NIBAN1: variants seen among roughly 807,000 people sequenced by gnomAD.
The protein encoded by NIBAN1 is protein Niban 1.
NIBAN1 carries 81 observed loss-of-function variants against 75.1 expected under a neutral mutation model. The observed-to-expected ratio is 1.08, with a 90% CI of 0.90 to 1.30. The LOEUF (loss-of-function observed/expected upper bound fraction) is 1.30. Ranked by LOEUF, NIBAN1 falls within the 50% of genes most tolerant of loss-of-function variation. NIBAN1 has a pLI of 0.00. For synonymous variants in NIBAN1, 436 were observed against 424.8 expected, an observed-to-expected ratio of 1.03 and a Z score of -0.32; for missense variants, 1,133 against 1,128.1, an observed-to-expected ratio of 1.00 and a Z score of -0.06.
rs894848584 is a variant in NIBAN1 at position 184,794,616 on chromosome 1, C to T, written c.*361G>A. 5.6e-6 allele frequency: 2 copies of T among 357,572 alleles called. No individual in the cohort carries two copies. The highest frequency in any genetic ancestry group is 4.2e-5 in the African/African-American group (2 of 47,422). The allele number at this position is 357,572 out of a possible 1,614,324, so 22.1% of individuals were successfully genotyped here. ...CAAAATTAAAAAGCCTTAAAGTGCA[C>T]AAGAAGATTGCACAATTGAAAAGTG... On this transcript the variant is annotated 3_prime_UTR_variant, in exon 14 of 14. Transcript: ENST00000367511.
chr1:184,942,356 G>A (rs1051105134), intron 1 of NIBAN1, among the ~76,000 whole-genome samples: 1 of 152,226 alleles, frequency 6.6e-6, no homozygotes, highest in Non-Finnish European at 1.5e-5. Context: ...TACAAAAACA[G>A]CTTTGGACCA....
At chr1:184,899,129 A>G (rs1450603095) in intron 2 of NIBAN1, 50 bp downstream of exon 2, 3 of 1,604,952 alleles carry the variant, frequency 1.9e-6, no homozygotes, top group East Asian at 4.5e-5. Flanking sequence ...GCTGTGCTAT[A>G]TAGCCTTCTT....
intron 1 of NIBAN1, among the ~76,000 whole-genome samples, chr1:184,949,310 A>G (rs920925789): frequency 7.9e-5 from 12 of 152,372 alleles, no homozygotes; most frequent in Middle Eastern, 3.4e-3. Context: ...GTAAGCCGAG[A>G]TTGCACCACT....
intron 5 of NIBAN1, among the ~76,000 whole-genome samples, chr1:184,861,638 AAGG>A (rs1359901706): frequency 7.0e-6 from 1 of 142,740 alleles, no homozygotes; most frequent in Non-Finnish European, 1.5e-5. Flanking sequence ...GGAAAGAGAA[AAGG>A]AGAAGGAAAA....
chr1:184,947,882 C>G (rs1013450705), intron 1 of NIBAN1, among the ~76,000 whole-genome samples: 1 of 152,166 alleles, frequency 6.6e-6, no homozygotes, highest in Admixed American at 6.5e-5. Context: ...CTGCTTACCC[C>G]CTTGGTAAGG....
chr1:184,863,879 G>GTGGC (rs1655880354), intron 5 of NIBAN1, among the ~76,000 whole-genome samples: 1 of 152,160 alleles, frequency 6.6e-6, no homozygotes, highest in Admixed American at 6.5e-5. Flanking sequence ...ATGAACCTCA[G>GTGGC]TGTCATCTGA....
At chr1:184,966,707 C>A (rs192168856) in intron 1 of NIBAN1, among the ~76,000 whole-genome samples, 52 of 152,222 alleles carry the variant, frequency 3.4e-4, no homozygotes, top group African/African-American at 9.6e-4. Flanking sequence ...TAATGATTCA[C>A]TAAGCTATGC....
chr1:184,818,176 G>T (rs191579352), intron 9 of NIBAN1, among the ~76,000 whole-genome samples: 36 of 151,520 alleles, frequency 2.4e-4, no homozygotes, highest in African/African-American at 8.0e-4. Context: ...CTATATTTTT[G>T]AAAACAAACC....
At chr1:184,796,943 C>G (rs1051593877) in intron 13 of NIBAN1, among the ~76,000 whole-genome samples, 1 of 152,166 alleles carries the variant, frequency 6.6e-6, no homozygotes, top group African/African-American at 2.4e-5. Context: ...CTTGACCGAG[C>G]CCTTCCTTTG....
intron 10 of NIBAN1, 23 bp from the exon 11 acceptor site, chr1:184,806,079 A>T (rs777493547): frequency 7.5e-6 from 12 of 1,597,182 alleles, no homozygotes; most frequent in Non-Finnish European, 1.0e-5. Context: ...AGCGACACAG[A>T]AACAGACAAC....
intron 5 of NIBAN1, among the ~76,000 whole-genome samples, chr1:184,846,103 G>C (rs1382984548): frequency 4.1e-5 from 3 of 74,034 alleles, no homozygotes; most frequent in East Asian, 2.8e-4. Flanking sequence ...CAGGAAGCTC[G>C]AACTGGGTGG....
In NIBAN1 at chr1:184,818,832, T is replaced by C. The variant is rs775589057; in HGVS notation, c.986-7A>G. ...GCCGGCTGGGCCACCATCGCTGAGG[T>C]AGGAAATAGCCAAAAAACCGTGACA... On this transcript the variant is annotated splice_polypyrimidine_tract_variant and splice_region_variant and intron_variant, in intron 8 of 13. Transcript: ENST00000367511. 1.3e-5 allele frequency: 20 copies of C among 1,578,672 alleles called. No individual in the cohort carries two copies. Among genetic ancestry groups the C allele is most frequent in the Non-Finnish European group, 1.6e-5 (19 of 1,157,264 alleles).
chr1:184,912,976 T>C (rs2102007397), intron 1 of NIBAN1, among the ~76,000 whole-genome samples: 1 of 152,162 alleles, frequency 6.6e-6, no homozygotes, highest in Non-Finnish European at 1.5e-5. Context: ...AATCCAGCAA[T>C]CTGTGTTTCA....
chr1:184,906,154 G>A (rs948723911), intron 1 of NIBAN1, among the ~76,000 whole-genome samples: 2 of 151,920 alleles, frequency 1.3e-5, no homozygotes, highest in Non-Finnish European at 2.9e-5. Flanking sequence ...GGGGTGGGGT[G>A]AGGGTGAGGC....
intron 1 of NIBAN1, among the ~76,000 whole-genome samples, chr1:184,913,016 C>G (rs1657284267): frequency 6.6e-6 from 1 of 152,036 alleles, no homozygotes; most frequent in African/African-American, 2.4e-5. Flanking sequence ...ATGATCCACA[C>G]TGAAGTTTAG....
At chr1:184,920,866 G>T (rs1043596655) in intron 1 of NIBAN1, among the ~76,000 whole-genome samples, 2 of 152,122 alleles carry the variant, frequency 1.3e-5, no homozygotes, top group African/African-American at 4.8e-5. Context: ...AGGCACGGTG[G>T]CTCACGCCTG....
Position 184,974,440 on chromosome 1 carries a change from C to A in NIBAN1, c.-84G>T. 3 of 1,486,028 alleles carry A rather than the reference C, an allele frequency of 2.0e-6. No individual in the cohort carries two copies. The highest frequency in any genetic ancestry group is 2.7e-6 in the Non-Finnish European group (3 of 1,114,386). The allele number at this position is 1,486,028 out of a possible 1,614,324, so 92.1% of individuals were successfully genotyped here. ...CCTGGAGGTTGATCCGACGGCGAAC[C>A]CGGCTCTGAAATTAAGAGCAAACTT... On this transcript the variant is annotated 5_prime_UTR_variant, in exon 1 of 14. Transcript: ENST00000367511.
At chr1:184,835,217 C>G (rs1286691096) in intron 5 of NIBAN1, among the ~76,000 whole-genome samples, 2 of 152,124 alleles carry the variant, frequency 1.3e-5, no homozygotes, top group Non-Finnish European at 2.9e-5. Context: ...TGTTTTGGTA[C>G]CAGTACCATG....
At chr1:184,881,743 G>C (rs184806185) in intron 5 of NIBAN1, among the ~76,000 whole-genome samples, 1 of 152,128 alleles carries the variant, frequency 6.6e-6, no homozygotes, top group African/African-American at 2.4e-5. Flanking sequence ...ACTTCCTGAC[G>C]TTGCCATGGT....
Sources: allele counts gnomAD v4.1 joint callset (sites outside exome capture counted in the v4.1 genomes callset), GRCh38; gene constraint gnomAD v4.1.1; transcripts MANE v1.5; gene names NCBI Gene and HGNC (gene_info 2026-07-23, HGNC 2026-07-21).